The following ETS1 variants were observed in gnomAD, a reference collection of about 807,000 sequenced individuals.
ETS1 encodes protein C-ets-1.
A neutral mutation model predicts 58.6 loss-of-function variants in ETS1; 15 were observed. The ratio of observed to expected loss-of-function variants is 0.26; its 90% CI spans 0.17 to 0.39. The LOEUF is 0.39. Ranked by LOEUF, ETS1 falls within the 10% of genes least tolerant of loss-of-function variation. ETS1 has a pLI of 1.00. For missense variants in ETS1, 417 were observed against 610.5 expected (o/e 0.68, Z 3.34); for synonymous variants, 214 against 218.2 (o/e 0.98, Z 0.17).
At chr11:128,538,376 T>C (rs1206090691) in intron 3 of ETS1, among the ~76,000 whole-genome samples, 1 of 152,194 alleles carries the variant, frequency 6.6e-6, no homozygotes, top group East Asian at 1.9e-4. Flanking sequence ...AACTAGATTT[T>C]CAGATCTGCA....
At chr11:128,525,622 A>G (rs1299202828) in intron 3 of ETS1, among the ~76,000 whole-genome samples, 1 of 122,828 alleles carries the variant, frequency 8.1e-6, no homozygotes, top group Non-Finnish European at 1.7e-5. Context: ...AGATTTAGAA[A>G]AAAAAAAAAA....
chr11:128,565,279 A>G (rs1400451905), intron 2 of ETS1, among the ~76,000 whole-genome samples: 3 of 152,188 alleles, frequency 2.0e-5, no homozygotes, highest in Admixed American at 6.5e-5. Context: ...CACAGCGTTC[A>G]TCCCCTCTAG....
At chr11:128,523,124 T>C (rs1413694346) in intron 3 of ETS1, among the ~76,000 whole-genome samples, 2 of 152,232 alleles carry the variant, frequency 1.3e-5, no homozygotes, top group African/African-American at 4.8e-5. Context: ...TTGTCTTTCC[T>C]TTCACAGACT....
intron 3 of ETS1, among the ~76,000 whole-genome samples, chr11:128,540,956 T>C (rs1864049119): frequency 6.6e-6 from 1 of 152,166 alleles, no homozygotes; most frequent in African/African-American, 2.4e-5. Flanking sequence ...TGGCCACTCT[T>C]CCAAACACCA....
intron 3 of ETS1, among the ~76,000 whole-genome samples, chr11:128,546,742 G>T (rs903161735): frequency 9.2e-5 from 14 of 152,160 alleles, no homozygotes; most frequent in African/African-American, 3.1e-4. Context: ...TGTTTGCAGG[G>T]GGGAAGGTGT....
chr11:128,568,491 C>T (rs1261128233), intron 2 of ETS1, among the ~76,000 whole-genome samples: 1 of 152,196 alleles, frequency 6.6e-6, no homozygotes, highest in African/African-American at 2.4e-5. Context: ...ACACACAGCC[C>T]ATAGAAGTAC....
At chr11:128,525,919 C>T (rs1863791787) in intron 3 of ETS1, among the ~76,000 whole-genome samples, 1 of 152,088 alleles carries the variant, frequency 6.6e-6, no homozygotes, top group African/African-American at 2.4e-5. Context: ...TGCCAAAAAG[C>T]CTTAGGGTCA....
In ETS1 at chr11:128,463,221, G is replaced by T. The variant is rs1160516526; in HGVS notation, c.1242+288C>A. Among the ~76,000 whole-genome samples the T allele has an allele frequency of 2.6e-5, 4 of 152,192 alleles. No individual in the cohort carries two copies. Among genetic ancestry groups the T allele is most frequent in the Non-Finnish European group, 5.9e-5 (4 of 68,034 alleles). ...CACAGAGCCACCGGGCTAGGAAGAG[G>T]CTAAGTCACAGGAGGCAGCTCTATG... On this transcript the variant is annotated intron_variant, in intron 9 of 9. Coordinates refer to ENST00000392668, the MANE Select transcript of ETS1 (RefSeq NM_001143820.2). The surrounding 1 kb of genome is among the most constrained non-coding windows in gnomAD (Gnocchi z 4.1).
chr11:128,546,141 T>C (rs1665298616), intron 3 of ETS1, among the ~76,000 whole-genome samples: 1 of 152,202 alleles, frequency 6.6e-6, no homozygotes, highest in African/African-American at 2.4e-5. Context: ...GCTAAGACAT[T>C]GCTGGGAAGT....
intron 9 of ETS1, among the ~76,000 whole-genome samples, chr11:128,462,801 T>G (rs1262407153): frequency 6.6e-6 from 1 of 152,196 alleles, no homozygotes; most frequent in South Asian, 2.1e-4. Context: ...ATTCTTTAAG[T>G]TGATGAAAAC....
At chr11:128,544,826 A>G (rs1003365104) in intron 3 of ETS1, among the ~76,000 whole-genome samples, 1 of 152,192 alleles carries the variant, frequency 6.6e-6, no homozygotes, top group African/African-American at 2.4e-5. Context: ...ACCCACAGGG[A>G]ACAGCCCATC....
rs1335005396 is a variant in ETS1, at chr11:128,585,132, AAAGAAAAG to A, written c.-15+2348_-15+2355del. ...GGAAGGAAGGAAAGAAAGAAGAAAGAAAGAAAAGAAAGAAAGAAAGAAAGAAAGAAAGA... is the reference window on the plus strand; with the variant it reads ...GGAAGGAAGGAAAGAAAGAAGAAAGAAAAGAAAGAAAGAAAGAAAGAAAGA... On this transcript the variant is annotated intron_variant, in intron 1 of 9. Transcript: ENST00000392668. Among the ~76,000 whole-genome samples, 14 of 12,412 alleles carry A rather than the reference AAAGAAAAG, an allele frequency of 1.1e-3. 1 individual carries two copies. The highest frequency in any genetic ancestry group is 7.0e-3 in the South Asian group (3 of 426). 8.1% of individuals were successfully genotyped at this position (12,412 alleles called of 152,430 possible). A position where few individuals can be genotyped will look rare whatever the true frequency, so the allele number is the denominator to read the frequency against.
At chr11:128,572,697 C>G (rs1046957591) in intron 2 of ETS1, among the ~76,000 whole-genome samples, 1 of 151,870 alleles carries the variant, frequency 6.6e-6, no homozygotes, top group Non-Finnish European at 1.5e-5. Flanking sequence ...ATGTCTGAGG[C>G]CAAAAGTAAG....
rs1392773010 is a variant in ETS1, at chr11:128,585,190, G to GA, written c.-15+2297dup. Among the ~76,000 whole-genome samples the GA allele has an allele frequency of 6.2e-3, 119 of 19,146 alleles. 5 individuals carry two copies. Among genetic ancestry groups the GA allele is most frequent in the African/African-American group, 0.012 (34 of 2,754 alleles). The allele number at this position is 19,146 out of a possible 152,430, so 12.6% of individuals were successfully genotyped here. On this transcript the variant is annotated intron_variant, in intron 1 of 9. Coordinates refer to ENST00000392668, the MANE Select transcript of ETS1 (RefSeq NM_001143820.2). ...AAAGAGAAAGAAAGAAAGAAAGAAG[G>GA]AAGGAAAGAAAGAAAGAAAGAAAGA...
chr11:128,468,439 G>A (rs985952085), intron 8 of ETS1, among the ~76,000 whole-genome samples: 1 of 152,140 alleles, frequency 6.6e-6, no homozygotes, highest in Non-Finnish European at 1.5e-5. Context: ...TCCATTTCCC[G>A]ATTTGTCAGT....
chr11:128,535,202 G>A lies in ETS1; in HGVS notation c.214+21089C>T, dbSNP rs1217717829. Among the ~76,000 whole-genome samples the A allele has an allele frequency of 2.0e-5, 3 of 152,222 alleles. No individual in the cohort carries two copies. In the East Asian group the frequency reaches 5.8e-4, roughly 29 times the overall value. On this transcript the variant is annotated intron_variant, in intron 3 of 9. Transcript: ENST00000392668. ...AGTGATGTTGAGCTTTATGTCATAT[G>A]TTTGTTGGACACATAAATGTCTTCT...
chr11:128,573,925 C>T (rs2135583099), intron 1 of ETS1, among the ~76,000 whole-genome samples: 1 of 152,276 alleles, frequency 6.6e-6, no homozygotes, highest in East Asian at 1.9e-4. Flanking sequence ...AGATTAAATT[C>T]CTAGGCATAC....
At chr11:128,462,847 T>TA (rs557658874) in intron 9 of ETS1, among the ~76,000 whole-genome samples, 2 of 152,206 alleles carry the variant, frequency 1.3e-5, no homozygotes, top group Non-Finnish European at 2.9e-5. Context: ...TATGTGACTT[T>TA]AAAAAACAAA....
rs1294818628 is a variant in ETS1 at position 128,549,887 on chromosome 11, A to G, written c.214+6404T>C. Among the ~76,000 whole-genome samples the G allele has an allele frequency of 1.3e-5, 2 of 152,216 alleles. No homozygotes were observed. Among genetic ancestry groups the G allele is most frequent in the Admixed American group, 6.5e-5 (1 of 15,288 alleles). ...AGGCACAGTGGGCAGATGCTAGCAC[A>G]TTAGCCTTGAGCAAGATAAGAGTGG... is the stretch of plus-strand genomic sequence containing the variant. On this transcript the variant is annotated intron_variant, in intron 3 of 9. Coordinates refer to ENST00000392668, the MANE Select transcript of ETS1 (RefSeq NM_001143820.2). This position sits in a 1 kb window ranked among gnomAD's most constrained non-coding sequence, Gnocchi z 4.3.
Sources: gnomAD v4.1 joint callset for allele counts (sites outside exome capture counted in the v4.1 genomes callset) on GRCh38, gnomAD v4.1.1 for gene constraint, Gnocchi (gnomAD v3.1) non-coding constraint, MANE v1.5 for transcripts, NCBI Gene and HGNC (gene_info 2026-07-23, HGNC 2026-07-21) for gene names.